The following DLGAP3 variants were observed in gnomAD, a reference collection of about 807,000 sequenced individuals.
The protein encoded by DLGAP3 is disks large-associated protein 3.
Under a neutral mutation model 81.2 loss-of-function variants are expected in DLGAP3, and 17 were observed. The ratio of observed to expected loss-of-function variants is 0.21; its 90% CI spans 0.14 to 0.31. The LOEUF is 0.31. Among genes scored for constraint, DLGAP3 ranks in the 10% least tolerant of loss-of-function variants. The pLI is 1.00. For synonymous variants in DLGAP3, 577 were observed against 587.4 expected (o/e 0.98, Z 0.26); for missense variants, 1,124 against 1,388.0 (o/e 0.81, Z 3.02).
intron 3 of DLGAP3, among the ~76,000 whole-genome samples, chr1:34,901,814 T>A (rs1426267754): frequency 6.6e-6 from 1 of 152,208 alleles, no homozygotes; most frequent in African/African-American, 2.4e-5. Context: ...AGAACTCGAT[T>A]ATGAAGGACA....
intron 2 of DLGAP3, among the ~76,000 whole-genome samples, chr1:34,906,285 G>A (rs1639555569): frequency 6.6e-6 from 1 of 151,752 alleles, no homozygotes; most frequent in Admixed American, 6.6e-5. Flanking sequence ...TTAACAAGCT[G>A]GCATTAGGCA....
chr1:34,913,982 G>T (rs1418493822), intron 1 of DLGAP3, among the ~76,000 whole-genome samples: 1 of 152,154 alleles, frequency 6.6e-6, no homozygotes, highest in Non-Finnish European at 1.5e-5. Flanking sequence ...GAAGGTCGTG[G>T]AGGGAGAAGG....
chr1:34,905,422 C>T lies in DLGAP3; in HGVS notation c.-39G>A. On this transcript the variant is annotated 5_prime_UTR_variant, in exon 3 of 12. Coordinates refer to ENST00000373347, the MANE Select transcript of DLGAP3 (RefSeq NM_001080418.3). ...GCTCTTCATAGTCTTGGGGGCCAGG[C>T]CCCAGGAACCTCCTGGAAAAATAGG... 1 of 1,519,022 alleles carries T rather than the reference C, an allele frequency of 6.6e-7. No individual in the cohort carries two copies. Among genetic ancestry groups the T allele is most frequent in the Non-Finnish European group, 8.8e-7 (1 of 1,131,322 alleles). 94.1% of individuals were successfully genotyped at this position (1,519,022 alleles called of 1,614,324 possible).
chr1:34,927,558 G>A (rs1419650302), intron 1 of DLGAP3, among the ~76,000 whole-genome samples: 2 of 152,142 alleles, frequency 1.3e-5, no homozygotes, highest in East Asian at 1.9e-4. Context: ...GAGATGCGGG[G>A]GCTGTATGTG....
chr1:34,887,399 C>A (rs1639250608), intron 5 of DLGAP3, among the ~76,000 whole-genome samples: 1 of 143,954 alleles, frequency 6.9e-6, no homozygotes. Flanking sequence ...GTGCAGAATC[C>A]ATGGTGTTAA....
chr1:34,872,135 G>T (rs965747539), intron 8 of DLGAP3, among the ~76,000 whole-genome samples: 9 of 152,202 alleles, frequency 5.9e-5, no homozygotes, highest in Non-Finnish European at 1.3e-4. Context: ...GCTCATAGAG[G>T]AGACTAAGCC....
chr1:34,877,564 T>C (rs1198161723), intron 8 of DLGAP3, among the ~76,000 whole-genome samples: 1 of 152,150 alleles, frequency 6.6e-6, no homozygotes, highest in African/African-American at 2.4e-5. Context: ...TGTTAAAGCA[T>C]AAAAGATACA....
At position 34,878,495 on chromosome 1, in the gene DLGAP3, TA is replaced by T. The variant is rs537535084; in HGVS notation, c.2000+6482del. 2.8e-4 allele frequency among the ~76,000 whole-genome samples: 42 copies of T among 152,084 alleles called. No individual in the cohort carries two copies. In the South Asian group the frequency reaches 4.8e-3, roughly 17 times the overall value. On this transcript the variant is annotated intron_variant, in intron 8 of 11. Coordinates refer to ENST00000373347, the MANE Select transcript of DLGAP3 (RefSeq NM_001080418.3). ...TAGTAAGGATGAAAAGCAGCCTATT[TA>T]ATATTAAAAGAGCCAAGCCACCAAG...
Position 34,867,396 on chromosome 1 carries a change from C to T in DLGAP3, c.2577+140G>A, listed in dbSNP as rs1256761611. On this transcript the variant is annotated intron_variant, in intron 10 of 11. Coordinates refer to ENST00000373347, the MANE Select transcript of DLGAP3 (RefSeq NM_001080418.3). The surrounding 1 kb of genome is among the most constrained non-coding windows in gnomAD (Gnocchi z 4.3). The stretch of plus-strand genomic sequence containing the variant: ...TGGTCCTACCTCCAGGCACAAGACT[C>T]ACAGCTACCCCAGAAGGCATGCAGG... 5 of 1,048,796 alleles carry T rather than the reference C, an allele frequency of 4.8e-6. No individual in the cohort carries two copies. Among genetic ancestry groups the T allele is most frequent in the Non-Finnish European group, 7.5e-6 (5 of 671,130 alleles). 65.0% of individuals were successfully genotyped at this position (1,048,796 alleles called of 1,614,324 possible).
At chr1:34,892,765 A>C (rs1005728659) in intron 5 of DLGAP3, among the ~76,000 whole-genome samples, 1 of 152,272 alleles carries the variant, frequency 6.6e-6, no homozygotes, top group African/African-American at 2.4e-5. Context: ...TAAGAGATCT[A>C]TATTCACACA....
intron 1 of DLGAP3, among the ~76,000 whole-genome samples, chr1:34,907,663 G>A (rs1639577261): frequency 6.6e-6 from 1 of 152,178 alleles, no homozygotes; most frequent in Non-Finnish European, 1.5e-5. Context: ...CCAACTGCAG[G>A]TGTCTGTGGG....
intron 2 of DLGAP3, 120 bp from the exon 3 acceptor site, chr1:34,905,554 C>T: frequency 1.4e-6 from 1 of 722,764 alleles, no homozygotes; most frequent in Non-Finnish European, 2.2e-6. Context: ...TGATTAATCA[C>T]ACTACCCTCC....
In DLGAP3 at chr1:34,902,318, C is replaced by G. The variant is rs1639472860; in HGVS notation, c.1107+1959G>C. On this transcript the variant is annotated intron_variant, in intron 3 of 11. Coordinates refer to ENST00000373347, the MANE Select transcript of DLGAP3 (RefSeq NM_001080418.3). This position sits in a 1 kb window ranked among gnomAD's most constrained non-coding sequence, Gnocchi z 4.4. ...ATGAGATGGGGTCCCTTGAAGGAACCCACGGGCAGGAGCAGGGCTCTTCAA... is the reference window on the plus strand; with the variant it reads ...ATGAGATGGGGTCCCTTGAAGGAACGCACGGGCAGGAGCAGGGCTCTTCAA... 6.6e-6 allele frequency among the ~76,000 whole-genome samples: 1 copy of G among 152,004 alleles called. No individual in the cohort carries two copies. Among genetic ancestry groups the G allele is most frequent in the East Asian group, 1.9e-4 (1 of 5,176 alleles).
In DLGAP3 at chr1:34,929,433, C is replaced by T. The variant is rs1639923031; in HGVS notation, c.-135+18G>A. On this transcript the variant is annotated intron_variant, in intron 1 of 11. Transcript: ENST00000373347. This position sits in a 1 kb window ranked among gnomAD's most constrained non-coding sequence, Gnocchi z 6.5. ...AGCCGCGAGCGCGGCCCCGTCCCCA[C>T]TCCTCCCCGCGGCTTACCTGGCCCG... 6.7e-6 allele frequency: 1 copy of T among 148,404 alleles called. No homozygotes were observed. The highest frequency in any genetic ancestry group is 1.5e-5 in the Non-Finnish European group (1 of 66,462). 9.2% of individuals were successfully genotyped at this position (148,404 alleles called of 1,614,324 possible).
chr1:34,883,930 G>A (rs1557467285), intron 8 of DLGAP3, among the ~76,000 whole-genome samples: 1 of 151,590 alleles, frequency 6.6e-6, no homozygotes, highest in African/African-American at 2.4e-5. Context: ...TGTGTTTTGG[G>A]TTTTTTTTGA....
At position 34,869,049 on chromosome 1, in the gene DLGAP3, C is replaced by T. The variant is rs1291733500; in HGVS notation, c.2041G>A (p.Val681Met). 3.1e-6 allele frequency: 5 copies of T among 1,598,544 alleles called. No individual in the cohort carries two copies. The highest frequency in any genetic ancestry group is 3.4e-6 in the Non-Finnish European group (4 of 1,178,750). Residue 681 changes from valine (V) to methionine (M), a missense_variant, in exon 9 of 12, where the codon GTG becomes ATG. Physicochemically the swap from Val to Met is conservative, Grantham distance 21 (BLOSUM62 1). Coordinates refer to ENST00000373347, the MANE Select transcript of DLGAP3 (RefSeq NM_001080418.3). ...CCCTCCAGCTCCAGGTCTGCCTGCA[C>T]GCCAGCCGTCACACTATTGGAGCGC... ...FKRSNSVTAG[V>M]QADLELEGLA...
intron 1 of DLGAP3, among the ~76,000 whole-genome samples, chr1:34,923,735 C>T (rs1639829919): frequency 1.3e-5 from 2 of 152,120 alleles, no homozygotes; most frequent in African/African-American, 4.8e-5. Flanking sequence ...GAGGAAAACT[C>T]AGCTCCTCCC....
chr1:34,926,813 A>G (rs2148423104), intron 1 of DLGAP3, among the ~76,000 whole-genome samples: 1 of 152,302 alleles, frequency 6.6e-6, no homozygotes, highest in South Asian at 2.1e-4. Flanking sequence ...GTTTGGGGGT[A>G]ACTACAGACC....
Position 34,905,084 on chromosome 1 carries a change from G to T in DLGAP3, c.300C>A (p.Asp100Glu). ...GGTGGCCCACACAGTCTTCACAGGT[G>T]TCGAAGGGGCCCTGGCCAGGGTACA... Reference protein sequence around the residue: ...PRMYPGQGPFDTCEDCVGHPQ... With the variant: ...PRMYPGQGPFETCEDCVGHPQ... The change falls in exon 3 of 12, where the codon GAC (aspartate) becomes GAA (glutamate). Residue 100 changes from aspartate (D) to glutamate (E), a missense_variant. Asp to Glu is a conservative substitution (Grantham distance 45, BLOSUM62 2). This residue lies in a region of DLGAP3 where 167 missense variants were observed against 172.1 expected (regional missense o/e 0.97). Transcript: ENST00000373347. The T allele has an allele frequency of 6.3e-7, 1 of 1,593,466 alleles. No homozygotes were observed. The highest frequency in any genetic ancestry group is 8.5e-7 in the Non-Finnish European group (1 of 1,169,868).
Sources: gnomAD v4.1 joint callset for allele counts (sites outside exome capture counted in the v4.1 genomes callset) on GRCh38, gnomAD v4.1.1 for gene constraint, gnomAD v4.1.1 regional missense constraint, Gnocchi (gnomAD v3.1) non-coding constraint, MANE v1.5 for transcripts, NCBI Gene and HGNC (gene_info 2026-07-23, HGNC 2026-07-21) for gene names.